The following SGTB variants were observed in gnomAD, a reference collection of about 807,000 sequenced individuals.
The protein encoded by SGTB is small glutamine rich tetratricopeptide repeat co-chaperone beta.
Under a neutral mutation model 43.9 loss-of-function variants are expected in SGTB, and 19 were observed. The ratio of observed to expected loss-of-function variants is 0.43; its 90% confidence interval spans 0.30 to 0.63. The LOEUF is 0.63. SGTB is among the 30% of genes least tolerant of loss of function. The pLI is 0.12. For missense variants in SGTB, 304 were observed against 358.9 expected (o/e 0.85, Z 1.24); for synonymous variants, 116 against 117.3 (o/e 0.99, Z 0.07).
In SGTB at chr5:65,708,552, C is replaced by G. The variant is rs749730040; in HGVS notation, c.211G>C (p.Val71Leu). 1 of 1,611,814 alleles carries G rather than the reference C, an allele frequency of 6.2e-7. No individual in the cohort carries two copies. The highest frequency in any genetic ancestry group is 8.5e-7 in the Non-Finnish European group (1 of 1,179,028). The stretch of plus-strand genomic sequence containing the variant: ...GGCACTGAGTTTGAAAGGGGCAGAA[C>G]GTCATTCTGAAATTAAATAAAAATC... ...MFTSSFCKND[V>L]LPLSNSVPED... The change falls in exon 4 of 11, where the codon GTT (valine) becomes CTT (leucine). Residue 71 changes from valine (V) to leucine (L), a missense_variant. Transcript: ENST00000381007.
At chr5:65,700,926 C>T (rs971029641) in intron 5 of SGTB, among the ~76,000 whole-genome samples, 29 of 141,638 alleles carry the variant, frequency 2.0e-4, no homozygotes, top group Admixed American at 5.2e-4. Context: ...AGGAGAATCA[C>T]TTGAACCTGG....
intron 8 of SGTB, among the ~76,000 whole-genome samples, chr5:65,673,188 T>C (rs1317643225): frequency 2.0e-5 from 3 of 152,206 alleles, no homozygotes; most frequent in African/African-American, 7.2e-5. Flanking sequence ...TTCTATAAAA[T>C]GACCTCCAGT....
upstream of SGTB, chr5:65,722,425 C>G (rs1320160628): frequency 6.3e-7 from 1 of 1,583,544 alleles, no homozygotes; most frequent in Non-Finnish European, 8.6e-7. Flanking sequence ...GTACCTCCAG[C>G]GCGCGGGTTA....
At chr5:65,691,506 T>C (rs1049327248) in intron 5 of SGTB, among the ~76,000 whole-genome samples, 1 of 151,916 alleles carries the variant, frequency 6.6e-6, no homozygotes, top group African/African-American at 2.4e-5. Flanking sequence ...TTTGTATTTT[T>C]AGTAGAGACA....
Position 65,671,953 on chromosome 5 carries a change from T to C in SGTB, c.765A>G (p.Gly255=), listed in dbSNP as rs1356252631. 4 of 1,613,938 alleles carry C rather than the reference T, an allele frequency of 2.5e-6. No individual in the cohort carries two copies. The highest frequency in any genetic ancestry group is 3.4e-6 in the Non-Finnish European group (4 of 1,179,964). Residue 255 remains glycine, a synonymous_variant, in exon 10 of 11, where the codon GGA becomes GGG. Transcript: ENST00000381007. ...TTGACAGGTCAGTTAGGCCCCCAAC[T>C]CCAGCAGCAGGTCCCCCAATGGCAT... is the stretch of plus-strand genomic sequence containing the variant. ...MTNAIGGPAA[G]VGGLTDLSSL...
intron 5 of SGTB, among the ~76,000 whole-genome samples, chr5:65,689,322 G>C (rs1757559058): frequency 1.3e-5 from 2 of 152,090 alleles, no homozygotes; most frequent in Admixed American, 1.3e-4. Context: ...CAGAATCTCA[G>C]AGCAATCAAG....
At chr5:65,714,096 C>G (rs1758103205) in intron 2 of SGTB, among the ~76,000 whole-genome samples, 1 of 152,026 alleles carries the variant, frequency 6.6e-6, no homozygotes, top group Non-Finnish European at 1.5e-5. Context: ...CACTACAAAC[C>G]TAAAATATTA....
At chr5:65,704,508 G>A in intron 4 of SGTB, 130 bp from the exon 5 acceptor site, 1 of 583,398 alleles carries the variant, frequency 1.7e-6, no homozygotes, top group Non-Finnish European at 2.7e-6. Flanking sequence ...AGTCACACTG[G>A]AAAAAATTTT....
chr5:65,699,132 AG>A (rs878933865), intron 5 of SGTB, among the ~76,000 whole-genome samples: 1 of 152,218 alleles, frequency 6.6e-6, no homozygotes, highest in African/African-American at 2.4e-5. Flanking sequence ...GAACCAACTA[AG>A]GGCTCATCGG....
At chr5:65,672,313 G>A in intron 8 of SGTB, 32 bp from the exon 9 acceptor site, 14 of 1,611,362 alleles carry the variant, frequency 8.7e-6, no homozygotes, top group Non-Finnish European at 1.2e-5. Context: ...TCCCATTAAA[G>A]GCAGTTAATA....
chr5:65,673,868 C>T lies in SGTB; in HGVS notation c.682-1587G>A, dbSNP rs543340598. On this transcript the variant is annotated intron_variant, in intron 8 of 10. Coordinates refer to ENST00000381007, the MANE Select transcript of SGTB (RefSeq NM_019072.3). ...ACGGGGTTTCGCCAGGTTGGCCAGG[C>T]TGGTCTGGAACTCCTGACCTCAAGT... Among the ~76,000 whole-genome samples, 148 of 152,234 alleles carry T rather than the reference C, an allele frequency of 9.7e-4. 3 individuals carry two copies. In the South Asian group the frequency reaches 0.031, roughly 32 times the overall value.
At chr5:65,722,635 C>G, upstream of SGTB, 1 of 531,102 alleles carries the variant, frequency 1.9e-6, no homozygotes, top group Non-Finnish European at 3.3e-6. Context: ...GTCCATTCCT[C>G]TTTGTTTGGG....
chr5:65,685,577 C>A, intron 5 of SGTB, 105 bp from the exon 6 acceptor site: 1 of 790,844 alleles, frequency 1.3e-6, no homozygotes, highest in Non-Finnish European at 2.0e-6. Flanking sequence ...ATTTGTAGAT[C>A]ACTCCCACTA....
intron 5 of SGTB, among the ~76,000 whole-genome samples, chr5:65,687,916 G>A (rs762889912): frequency 6.6e-6 from 1 of 152,092 alleles, no homozygotes; most frequent in Non-Finnish European, 1.5e-5. Flanking sequence ...TTACAGGTGT[G>A]TGCCACCATA....
intron 9 of SGTB, 105 bp from the exon 10 acceptor site, chr5:65,672,103 T>C: frequency 6.4e-7 from 1 of 1,569,404 alleles, no homozygotes; most frequent in East Asian, 2.2e-5. Context: ...TACCAGAGGC[T>C]AGGCCAAATG....
intron 4 of SGTB, among the ~76,000 whole-genome samples, chr5:65,708,178 TA>T (rs1006010222): frequency 6.6e-6 from 1 of 152,246 alleles, no homozygotes; most frequent in African/African-American, 2.4e-5. Flanking sequence ...TTCCTCTTTT[TA>T]AGTTAAAGAA....
rs193259901 is a variant in SGTB, at chr5:65,703,794, T to A, written c.374+485A>T. 1.6e-3 allele frequency among the ~76,000 whole-genome samples: 248 copies of A among 151,814 alleles called. 9 individuals are homozygous for A. Among genetic ancestry groups the A allele is most frequent in the Middle Eastern group, 0.01 (3 of 294 alleles). On this transcript the variant is annotated intron_variant, in intron 5 of 10. Transcript: ENST00000381007. ...GGCTCACGCCTGTAATCCCAGCACTTTGGGAGGCTGAGGCAGGCAGATCAC... is the reference window on the plus strand; with the variant it reads ...GGCTCACGCCTGTAATCCCAGCACTATGGGAGGCTGAGGCAGGCAGATCAC...
intron 3 of SGTB, among the ~76,000 whole-genome samples, chr5:65,709,378 T>C (rs17590975): frequency 0.041 from 6,150 of 150,242 alleles, 179 homozygotes; most frequent in Non-Finnish European, 0.063. Flanking sequence ...TTGCATATTG[T>C]CCAGTTTTTT....
intron 4 of SGTB, 117 bp downstream of exon 4, chr5:65,708,372 T>C (rs1221616325): frequency 6.3e-6 from 5 of 791,810 alleles, no homozygotes; most frequent in African/African-American, 1.8e-5. Flanking sequence ...GTAATTGCCA[T>C]GTGCACTTAT....
Sources: gnomAD v4.1 joint callset for allele counts (sites outside exome capture counted in the v4.1 genomes callset) on GRCh38, gnomAD v4.1.1 for gene constraint, MANE v1.5 for transcripts, NCBI Gene and HGNC (gene_info 2026-07-23, HGNC 2026-07-21) for gene names.